The following DLC1 variants were observed in gnomAD, a reference collection of about 807,000 sequenced individuals.
The protein encoded by DLC1 is rho GTPase-activating protein 7.
Under a neutral mutation model 140.3 loss-of-function variants are expected in DLC1, and 54 were observed. That is an observed-to-expected ratio of 0.38 (90% CI 0.31 to 0.48). The LOEUF is 0.48. DLC1 is among the 20% of genes least tolerant of loss of function. The pLI is 0.96. For missense variants in DLC1, 2,536 were observed against 1,907.0 expected, an observed-to-expected ratio of 1.33 and a Z score of -6.14; for synonymous variants, 986 against 728.1, an observed-to-expected ratio of 1.35 and a Z score of -5.70.
At chr8:13,407,711 C>G (rs920392654) in intron 2 of DLC1, among the ~76,000 whole-genome samples, 3 of 152,172 alleles carry the variant, frequency 2.0e-5, no homozygotes, top group African/African-American at 7.2e-5. Context: ...ACTGAAACTT[C>G]CTGACACAAG....
chr8:13,351,953 C>G (rs970214062), intron 4 of DLC1, among the ~76,000 whole-genome samples: 1 of 152,214 alleles, frequency 6.6e-6, no homozygotes, highest in African/African-American at 2.4e-5. Flanking sequence ...AGGCTGGTCT[C>G]GAACTGCTGA....
intron 4 of DLC1, among the ~76,000 whole-genome samples, chr8:13,384,637 A>G (rs1436205688): frequency 2.0e-5 from 3 of 152,194 alleles, no homozygotes; most frequent in Non-Finnish European, 2.9e-5. Flanking sequence ...TGATCTACCT[A>G]AAACCCTGTG....
chr8:13,378,597 C>G (rs1253381254), intron 4 of DLC1, among the ~76,000 whole-genome samples: 3 of 152,016 alleles, frequency 2.0e-5, no homozygotes, highest in Non-Finnish European at 4.4e-5. Context: ...TATTTACAAA[C>G]CTTTCAAAAC....
intron 5 of DLC1, among the ~76,000 whole-genome samples, chr8:13,177,318 G>T (rs1225782641): frequency 6.6e-6 from 1 of 152,212 alleles, no homozygotes; most frequent in South Asian, 2.1e-4. Flanking sequence ...TATAGAAAAA[G>T]CTAGATATTA....
At chr8:13,276,634 G>T (rs917627209) in intron 5 of DLC1, 3 of 1,199,600 alleles carry the variant, frequency 2.5e-6, no homozygotes, top group Non-Finnish European at 3.1e-6. Context: ...CTCGCGGGGC[G>T]CGCGAGCTGC....
intron 2 of DLC1, among the ~76,000 whole-genome samples, chr8:13,442,934 G>C (rs1585115687): frequency 6.6e-6 from 1 of 152,108 alleles, no homozygotes; most frequent in African/African-American, 2.4e-5. Flanking sequence ...ATTCACAATA[G>C]CAAAGACTTG....
At chr8:13,525,465 A>C (rs1802891797) in intron 1 of DLC1, among the ~76,000 whole-genome samples, 1 of 152,116 alleles carries the variant, frequency 6.6e-6, no homozygotes, top group Non-Finnish European at 1.5e-5. Flanking sequence ...GATTTCTAAG[A>C]ATTTTTGTTG....
At chr8:13,157,545 T>G (rs978672424) in intron 5 of DLC1, among the ~76,000 whole-genome samples, 9 of 152,212 alleles carry the variant, frequency 5.9e-5, no homozygotes, top group Non-Finnish European at 1.3e-4. Flanking sequence ...TACTTTTTAT[T>G]GGCTCCCAAA....
intron 2 of DLC1, among the ~76,000 whole-genome samples, chr8:13,456,024 C>T (rs560543061): frequency 6.6e-6 from 1 of 152,294 alleles, no homozygotes; most frequent in Non-Finnish European, 1.5e-5. Context: ...CAAGTGTTGT[C>T]TTCCAAAGAG....
chr8:13,285,408 T>C (rs759548986), intron 5 of DLC1, among the ~76,000 whole-genome samples: 1 of 152,168 alleles, frequency 6.6e-6, no homozygotes, highest in Non-Finnish European at 1.5e-5. Context: ...AAATGGAACA[T>C]AGACCACAGA....
intron 1 of DLC1, among the ~76,000 whole-genome samples, chr8:13,533,148 C>G (rs1803157318): frequency 6.6e-6 from 1 of 151,796 alleles, no homozygotes. Context: ...TGAAGTAAAA[C>G]AAACAGTCAA....
At chr8:13,516,997 A>T (rs182338019), upstream of DLC1, among the ~76,000 whole-genome samples, 70 of 152,310 alleles carry the variant, frequency 4.6e-4, no homozygotes, top group African/African-American at 1.6e-3. Flanking sequence ...AATTGGGAAG[A>T]CTTCTTAAAC....
Position 13,146,249 on chromosome 8 carries a change from T to C in DLC1, c.1349-30592A>G, listed in dbSNP as rs1452066102. 5.4e-5 allele frequency among the ~76,000 whole-genome samples: 8 copies of C among 148,226 alleles called. No individual in the cohort carries two copies. In the East Asian group the frequency reaches 1.6e-3, roughly 30 times the overall value. On this transcript the variant is annotated intron_variant, in intron 5 of 17. Coordinates refer to ENST00000276297, the MANE Select transcript of DLC1 (RefSeq NM_182643.3). ...TAGACTGTGCCACTGCACTGCAGCC[T>C]GGGCAACAGAGCAAGACTCCATCTC...
At chr8:13,356,846 T>A (rs1202380282) in intron 4 of DLC1, among the ~76,000 whole-genome samples, 1 of 151,578 alleles carries the variant, frequency 6.6e-6, no homozygotes, top group Non-Finnish European at 1.5e-5. Flanking sequence ...TTTTTTATTA[T>A]TTTTTTATTT....
chr8:13,425,744 C>T (rs1403089523), intron 2 of DLC1, among the ~76,000 whole-genome samples: 5 of 152,118 alleles, frequency 3.3e-5, no homozygotes, highest in Admixed American at 3.3e-4. Context: ...TTCCTCCTCC[C>T]CACTAAAAAC....
intron 5 of DLC1, among the ~76,000 whole-genome samples, chr8:13,232,480 C>T (rs1241556559): frequency 6.6e-6 from 1 of 152,076 alleles, no homozygotes; most frequent in Non-Finnish European, 1.5e-5. Context: ...ACTACAGGTT[C>T]ACACCACCAT....
At chr8:13,305,557 G>T (rs898341798) in intron 4 of DLC1, among the ~76,000 whole-genome samples, 3 of 152,128 alleles carry the variant, frequency 2.0e-5, no homozygotes, top group Non-Finnish European at 4.4e-5. Context: ...CTGGCAATAG[G>T]CTGGGTGTGG....
chr8:13,562,940 A>G (rs572068523), intron 1 of DLC1, among the ~76,000 whole-genome samples: 2 of 152,222 alleles, frequency 1.3e-5, no homozygotes, highest in South Asian at 4.1e-4. Flanking sequence ...AGCAATGTGT[A>G]GAGTATGTCA....
intron 5 of DLC1, among the ~76,000 whole-genome samples, chr8:13,154,585 A>G (rs949288043): frequency 2.0e-5 from 3 of 152,078 alleles, no homozygotes; most frequent in Non-Finnish European, 4.4e-5. Context: ...CTCTCCCTCC[A>G]CACCTCCCGG....
Sources: allele counts gnomAD v4.1 joint callset (sites outside exome capture counted in the v4.1 genomes callset), GRCh38; gene constraint gnomAD v4.1.1; transcripts MANE v1.5; gene names NCBI Gene and HGNC (gene_info 2026-07-23, HGNC 2026-07-21).